The following KIF21A variants were observed in gnomAD, a reference collection of about 807,000 sequenced individuals.
KIF21A encodes the protein kinesin-like protein KIF21A.
Under a neutral mutation model 202.9 loss-of-function variants are expected in KIF21A, and 114 were observed. That is an observed-to-expected ratio of 0.56 (90% CI 0.48 to 0.66). The LOEUF (loss-of-function observed/expected upper bound fraction) is 0.66. Among genes scored for constraint, KIF21A ranks in the 30% least tolerant of loss-of-function variants. KIF21A has a pLI of 0.00. For missense variants in KIF21A, 1,677 were observed against 1,994.9 expected (o/e 0.84, Z 3.04); for synonymous variants, 667 against 670.8 (o/e 0.99, Z 0.09).
intron 37 of KIF21A, among the ~76,000 whole-genome samples, chr12:39,297,049 T>C (rs1160733429): frequency 6.6e-6 from 1 of 152,182 alleles, no homozygotes; most frequent in Non-Finnish European, 1.5e-5. Context: ...GGTTAGATTC[T>C]AGATATAATT....
chr12:39,355,806 T>C (rs1390391990), intron 10 of KIF21A, among the ~76,000 whole-genome samples: 1 of 149,948 alleles, frequency 6.7e-6, no homozygotes, highest in Admixed American at 6.7e-5. Flanking sequence ...CTTGAATAAC[T>C]ATATTGCCAC....
chr12:39,356,832 C>A lies in KIF21A; in HGVS notation c.1469G>T (p.Arg490Met). ...ATATGTTACAGAACATGAACTATAC[C>A]TGAGATCTTCGATTTCTTTTATATA... ...HSYIKEIEDL[R>M]AKLLESEAVN... Residue 490 changes from arginine to methionine, a missense_variant and splice_region_variant, in exon 10 of 38, where the codon AGG becomes ATG. Arg to Met is a moderately conservative substitution (Grantham distance 91, BLOSUM62 -1). Around this residue, in one of 3 missense-constraint regions of KIF21A, gnomAD observed 966 missense variants for 1,180.9 expected, o/e 0.82. Transcript: ENST00000361418. 8.5e-7 allele frequency: 1 copy of A among 1,176,828 alleles called. No homozygotes were observed. Among genetic ancestry groups the A allele is most frequent in the Non-Finnish European group, 1.3e-6 (1 of 784,482 alleles). The allele number at this position is 1,176,828 out of a possible 1,614,324, so 72.9% of individuals were successfully genotyped here.
intron 29 of KIF21A, among the ~76,000 whole-genome samples, chr12:39,317,271 C>T (rs558211530): frequency 6.6e-6 from 1 of 152,038 alleles, no homozygotes; most frequent in African/African-American, 2.4e-5. Context: ...TCTAAACATG[C>T]CAGACAGACA....
At chr12:39,417,174 A>G (rs189439043) in intron 1 of KIF21A, among the ~76,000 whole-genome samples, 49 of 152,278 alleles carry the variant, frequency 3.2e-4, no homozygotes, top group African/African-American at 1.1e-3. Context: ...ATAAAAAAAA[A>G]GAAATTTGTA....
At chr12:39,393,120 T>C (rs558635678) in intron 1 of KIF21A, among the ~76,000 whole-genome samples, 15 of 151,528 alleles carry the variant, frequency 9.9e-5, no homozygotes, top group Admixed American at 7.9e-4. Flanking sequence ...CCTTCAGCCC[T>C]ACCTGCATCA....
intron 1 of KIF21A, among the ~76,000 whole-genome samples, chr12:39,410,187 G>C (rs1417584471): frequency 2.0e-5 from 3 of 152,164 alleles, no homozygotes; most frequent in African/African-American, 7.2e-5. Context: ...AAGAATTGCA[G>C]CACTAGAAGC....
At chr12:39,317,999 T>C (rs113815426) in intron 29 of KIF21A, 74 bp downstream of exon 29, 8 of 1,451,108 alleles carry the variant, frequency 5.5e-6, no homozygotes, top group African/African-American at 1.4e-5. Flanking sequence ...GATGACTACA[T>C]GTTTTCTACA....
chr12:39,428,448 G>A (rs1478358191), intron 1 of KIF21A, among the ~76,000 whole-genome samples: 1 of 152,090 alleles, frequency 6.6e-6, no homozygotes, highest in Non-Finnish European at 1.5e-5. Context: ...AGGTTTCAGT[G>A]GCTATTATTG....
intron 1 of KIF21A, among the ~76,000 whole-genome samples, chr12:39,433,000 A>G (rs140547700): frequency 1.8e-4 from 27 of 152,350 alleles, no homozygotes; most frequent in African/African-American, 6.0e-4. Context: ...CAATTTCAAA[A>G]AACTGTAGGT....
At chr12:39,297,343 T>G (rs1942484119) in intron 37 of KIF21A, among the ~76,000 whole-genome samples, 1 of 151,994 alleles carries the variant, frequency 6.6e-6, no homozygotes, top group Admixed American at 6.6e-5. Flanking sequence ...AACCCAAATG[T>G]CCAACAATGA....
At chr12:39,401,267 C>T (rs1325524212) in intron 1 of KIF21A, among the ~76,000 whole-genome samples, 3 of 152,100 alleles carry the variant, frequency 2.0e-5, no homozygotes, top group Admixed American at 6.5e-5. Flanking sequence ...GGAATAGTAA[C>T]AGTAGAAAAC....
chr12:39,413,365 T>C (rs1376499066), intron 1 of KIF21A, among the ~76,000 whole-genome samples: 1 of 152,180 alleles, frequency 6.6e-6, no homozygotes, highest in Non-Finnish European at 1.5e-5. Context: ...CCCCTACCTA[T>C]TGAACGCTAT....
intron 16 of KIF21A, 121 bp downstream of exon 16, chr12:39,340,044 A>T: frequency 1.3e-6 from 1 of 752,906 alleles, no homozygotes; most frequent in Non-Finnish European, 2.2e-6. Flanking sequence ...AAATTACATC[A>T]TTTGTAAGAT....
intron 17 of KIF21A, among the ~76,000 whole-genome samples, chr12:39,334,282 C>T (rs1308131863): frequency 6.6e-6 from 1 of 151,396 alleles, no homozygotes; most frequent in African/African-American, 2.4e-5. Context: ...AATTCCAGTT[C>T]TATCATTTAT....
At chr12:39,370,537 C>T (rs1461323410) in intron 1 of KIF21A, among the ~76,000 whole-genome samples, 1 of 152,086 alleles carries the variant, frequency 6.6e-6, no homozygotes, top group Non-Finnish European at 1.5e-5. Context: ...CAAGTGGATA[C>T]TTTTCCTCTA....
intron 22 of KIF21A, among the ~76,000 whole-genome samples, chr12:39,331,344 CT>C (rs1946487882): frequency 6.6e-6 from 1 of 152,074 alleles, no homozygotes; most frequent in African/African-American, 2.4e-5. Flanking sequence ...TTCTGATTTG[CT>C]TTTGATCTGT....
intron 1 of KIF21A, among the ~76,000 whole-genome samples, chr12:39,374,638 T>C (rs776252209): frequency 1.3e-5 from 2 of 152,134 alleles, no homozygotes; most frequent in African/African-American, 2.4e-5. Context: ...TTTACTGACT[T>C]ACCCCTATAA....
chr12:39,431,926 C>A (rs1171865917), intron 1 of KIF21A, among the ~76,000 whole-genome samples: 1 of 152,178 alleles, frequency 6.6e-6, no homozygotes, highest in African/African-American at 2.4e-5. Context: ...TTGAAAATGT[C>A]ACAGATGTCA....
At chr12:39,380,434 T>G (rs1288087344) in intron 1 of KIF21A, among the ~76,000 whole-genome samples, 1 of 152,228 alleles carries the variant, frequency 6.6e-6, no homozygotes, top group Non-Finnish European at 1.5e-5. Flanking sequence ...TCAATAGATT[T>G]TGGTTGTTAA....
Sources: allele counts gnomAD v4.1 joint callset (sites outside exome capture counted in the v4.1 genomes callset), GRCh38; gene constraint gnomAD v4.1.1; regional missense constraint gnomAD v4.1.1; transcripts MANE v1.5; gene names NCBI Gene and HGNC (gene_info 2026-07-23, HGNC 2026-07-21).